ALPG: variants seen among roughly 807,000 people sequenced by gnomAD.
The protein encoded by ALPG is alkaline phosphatase, germ cell type.
A neutral mutation model predicts 48.6 loss-of-function variants in ALPG; 32 were observed. The observed-to-expected ratio is 0.66, with a 90% CI of 0.50 to 0.88. ALPG has a LOEUF of 0.88. Ranked by LOEUF, ALPG falls within the 40% of genes least tolerant of loss-of-function variation. The pLI, the probability that ALPG is intolerant of heterozygous loss-of-function variation, is 0.00. For synonymous variants in ALPG, 244 were observed against 308.9 expected, an observed-to-expected ratio of 0.79 and a Z score of 2.20; for missense variants, 533 against 718.1, an observed-to-expected ratio of 0.74 and a Z score of 2.95.
chr2:232,407,111 C>G lies in ALPG; in HGVS notation c.122C>G (p.Ala41Gly). ...CGCCAGGCAGCCGAGGCCCTGGGTG[C>G]CGCCAAGAAGCTGCAGCCTGCACAG... ...WNRQAAEALG[A>G]AKKLQPAQTA... The change falls in exon 2 of 11, where the codon GCC becomes GGC. Residue 41 changes from alanine (A) to glycine (G), a missense_variant. This residue lies in a region of ALPG where 315 missense variants were observed against 305.8 expected (regional missense o/e 1.03). Coordinates refer to ENST00000295453, the MANE Select transcript of ALPG (RefSeq NM_031313.3). 1 of 1,613,964 alleles carries G rather than the reference C, an allele frequency of 6.2e-7. No homozygotes were observed. Among genetic ancestry groups the G allele is most frequent in the South Asian group, 1.1e-5 (1 of 90,978 alleles).
In ALPG at chr2:232,407,859, G is replaced by A. The variant is rs1207222845; in HGVS notation, c.490G>A (p.Val164Met). 2 of 1,613,572 alleles carry A rather than the reference G, an allele frequency of 1.2e-6. No homozygotes were observed. Among genetic ancestry groups the A allele is most frequent in the East Asian group, 2.2e-5 (1 of 44,886 alleles). ...RAKKAGKSVG[V>M]VTTTRVQHAS... Reference sequence around the variant, plus strand: ...ATCACCCTCAGGAAAGTCAGTGGGAGTGGTAACCACCACACGGGTGCAGCA... The same window carrying A: ...ATCACCCTCAGGAAAGTCAGTGGGAATGGTAACCACCACACGGGTGCAGCA... The change falls in exon 5 of 11, where the codon GTG (valine) becomes ATG (methionine). Residue 164 changes from valine (V) to methionine (M), a missense_variant. Transcript: ENST00000295453.
Position 232,410,421 on chromosome 2 carries a change from C to G in ALPG, c.*549C>G, listed in dbSNP as rs1002575086. The G allele has an allele frequency of 2.2e-4, 37 of 165,226 alleles. No individual in the cohort carries two copies. The highest frequency in any genetic ancestry group is 3.0e-3 in the Middle Eastern group (1 of 328). 10.2% of individuals were successfully genotyped at this position (165,226 alleles called of 1,614,324 possible). On this transcript the variant is annotated 3_prime_UTR_variant, in exon 11 of 11. Transcript: ENST00000295453. ...CTGCTGTCCCTCCACTGGGCTAATT[C>G]TACACCCCTGTGCCCCTCCTAGGGG...
Position 232,407,845 on chromosome 2 carries a change from G to T in ALPG, c.476G>T (p.Gly159Val). The T allele has an allele frequency of 3.7e-6, 6 of 1,613,584 alleles. No homozygotes were observed. Among genetic ancestry groups the T allele is most frequent in the Non-Finnish European group, 4.2e-6 (5 of 1,180,026 alleles). ...ATATCCTGACCTCTATCACCCTCAGGAAAGTCAGTGGGAGTGGTAACCACC... is the reference window on the plus strand; with the variant it reads ...ATATCCTGACCTCTATCACCCTCAGTAAAGTCAGTGGGAGTGGTAACCACC... The part of the protein sequence containing the change: ...ISVMNRAKKA[G>V]KSVGVVTTTR... Residue 159 changes from glycine to valine, a missense_variant and splice_region_variant, in exon 5 of 11, where the codon GGA becomes GTA. Transcript: ENST00000295453.
At position 232,409,957 on chromosome 2, in the gene ALPG, G is replaced by A; in HGVS notation, c.*85G>A. On this transcript the variant is annotated 3_prime_UTR_variant, in exon 11 of 11. Coordinates refer to ENST00000295453, the MANE Select transcript of ALPG (RefSeq NM_031313.3). Reference sequence around the variant, plus strand: ...AGTCGTCCTGCCGGACCTCCACCTGGAGCTGTCACCCCCGGAGTCGCCACA... The same window carrying A: ...AGTCGTCCTGCCGGACCTCCACCTGAAGCTGTCACCCCCGGAGTCGCCACA... 6.8e-7 allele frequency: 1 copy of A among 1,461,210 alleles called. No homozygotes were observed. The highest frequency in any genetic ancestry group is 9.0e-7 in the Non-Finnish European group (1 of 1,112,564). The allele number at this position is 1,461,210 out of a possible 1,614,324, so 90.5% of individuals were successfully genotyped here.
chr2:232,408,997 C>T lies in ALPG; in HGVS notation c.1068C>T (p.Ala356=). ...ALTETIMFDD[A]IERAGQLTSE... ...CTGAGACGATCATGTTCGACGACGC[C>T]ATTGAGAGGGCGGGCCAGCTCACCA... The change falls in exon 9 of 11, where the codon GCC becomes GCT. Residue 356 remains alanine (A), a synonymous_variant. Coordinates refer to ENST00000295453, the MANE Select transcript of ALPG (RefSeq NM_031313.3). 4 of 983,076 alleles carry T rather than the reference C, an allele frequency of 4.1e-6. No homozygotes were observed. Among genetic ancestry groups the T allele is most frequent in the Non-Finnish European group, 4.4e-6 (3 of 675,018 alleles). The allele number at this position is 983,076 out of a possible 1,614,324, so 60.9% of individuals were successfully genotyped here.
chr2:232,407,957 G>A lies in ALPG; in HGVS notation c.588G>A (p.Ser196=), dbSNP rs41265119. 1.1e-4 allele frequency: 171 copies of A among 1,613,090 alleles called. No individual in the cohort carries two copies. Among genetic ancestry groups the A allele is most frequent in the Middle Eastern group, 5.0e-4 (3 of 6,038 alleles). Reference sequence around the variant, plus strand: ...ACTCGGATGCCGACGTGCCTGCCTCGGCCCGCCAGGAGGGGTGCCAGGACA... The same window carrying A: ...ACTCGGATGCCGACGTGCCTGCCTCAGCCCGCCAGGAGGGGTGCCAGGACA... The part of the protein sequence containing the change: ...NWYSDADVPA[S]ARQEGCQDIA... The change falls in exon 5 of 11, where the codon TCG becomes TCA. Residue 196 remains serine (S), a synonymous_variant. Coordinates refer to ENST00000295453, the MANE Select transcript of ALPG (RefSeq NM_031313.3).
Position 232,407,862 on chromosome 2 carries a change from G to A in ALPG, c.493G>A (p.Val165Ile), listed in dbSNP as rs1252360261. Residue 165 changes from valine to isoleucine, a missense_variant, in exon 5 of 11, where the codon GTA becomes ATA. Around this residue, in one of 6 missense-constraint regions of ALPG, gnomAD observed 315 missense variants for 305.8 expected, o/e 1.03. Transcript: ENST00000295453. ...AKKAGKSVGV[V>I]TTTRVQHASP... Reference sequence around the variant, plus strand: ...ACCCTCAGGAAAGTCAGTGGGAGTGGTAACCACCACACGGGTGCAGCATGC... The same window carrying A: ...ACCCTCAGGAAAGTCAGTGGGAGTGATAACCACCACACGGGTGCAGCATGC... The A allele has an allele frequency of 1.1e-5, 18 of 1,613,378 alleles. No homozygotes were observed. In the African/African-American group the frequency reaches 1.3e-4, roughly 12 times the overall value.
chr2:232,407,811 C>T, intron 4 of ALPG, 34 bp from the exon 5 acceptor site: 1 of 1,613,688 alleles, frequency 6.2e-7, no homozygotes, highest in Non-Finnish European at 8.5e-7. Context: ...GGTGACAGAC[C>T]TCTATCGCAT....
At chr2:232,407,262 C>A in intron 2 of ALPG, 24 bp from the exon 3 acceptor site, 2 of 1,613,946 alleles carry the variant, frequency 1.2e-6, no homozygotes, top group Non-Finnish European at 1.7e-6. Context: ...GGGGAGCAAG[C>A]CTCACACACT....
Position 232,407,049 on chromosome 2 carries a change from C to G in ALPG, c.68-8C>G. 1 of 1,613,866 alleles carries G rather than the reference C, an allele frequency of 6.2e-7. No homozygotes were observed. Among genetic ancestry groups the G allele is most frequent in the Non-Finnish European group, 8.5e-7 (1 of 1,179,978 alleles). On this transcript the variant is annotated splice_polypyrimidine_tract_variant and splice_region_variant and intron_variant, in intron 1 of 10. Coordinates refer to ENST00000295453, the MANE Select transcript of ALPG (RefSeq NM_031313.3). ...GGCTGACCTGATCTTTGCTCTCCCC[C>G]TGGCCAGTTGAGGAGGAGAACCCGG...
chr2:232,407,664 G>C lies in ALPG; in HGVS notation c.371G>C (p.Gly124Ala), dbSNP rs1327070318. ...ACGGCCTACCTGTGCGGGGTCAAGG[G>C]CAACTTCCAGACCATTGGCTTGAGT... ...TATAYLCGVKGNFQTIGLSAA... is the reference protein window; with the variant it reads ...TATAYLCGVKANFQTIGLSAA... The change falls in exon 4 of 11, where the codon GGC becomes GCC. Residue 124 changes from glycine to alanine, a missense_variant. Gly to Ala is a moderately conservative substitution (Grantham distance 60). Coordinates refer to ENST00000295453, the MANE Select transcript of ALPG (RefSeq NM_031313.3). 3 of 1,613,906 alleles carry C rather than the reference G, an allele frequency of 1.9e-6. No individual in the cohort carries two copies. Among genetic ancestry groups the C allele is most frequent in the East Asian group, 2.2e-5 (1 of 44,890 alleles).
chr2:232,407,915 G>A lies in ALPG; in HGVS notation c.546G>A (p.Thr182=), dbSNP rs1413173548. 17 of 1,613,474 alleles carry A rather than the reference G, an allele frequency of 1.1e-5. No homozygotes were observed. The highest frequency in any genetic ancestry group is 6.7e-5 in the East Asian group (3 of 44,878). ...HASPAGAYAH[T]VNRNWYSDAD... is the part of the protein sequence containing the mutation. ...CGCCAGCCGGCGCCTACGCCCACACGGTGAACCGCAACTGGTACTCGGATG... is the reference window on the plus strand; with the variant it reads ...CGCCAGCCGGCGCCTACGCCCACACAGTGAACCGCAACTGGTACTCGGATG... The change falls in exon 5 of 11, where the codon ACG becomes ACA. Residue 182 remains threonine (T), a synonymous_variant. Coordinates refer to ENST00000295453, the MANE Select transcript of ALPG (RefSeq NM_031313.3).
Position 232,408,497 on chromosome 2 carries a change from G to T in ALPG, c.784-4G>T, listed in dbSNP as rs2945421. The T allele has an allele frequency of 2.0e-6, 3 of 1,502,038 alleles. No individual in the cohort carries two copies. The highest frequency in any genetic ancestry group is 4.6e-5 in the East Asian group (2 of 43,116). 93.0% of individuals were successfully genotyped at this position (1,502,038 alleles called of 1,614,324 possible). A position where few individuals can be genotyped will look rare whatever the true frequency, so the allele number is the denominator to read the frequency against. On this transcript the variant is annotated splice_region_variant and splice_polypyrimidine_tract_variant and intron_variant, in intron 6 of 10. Transcript: ENST00000295453. The stretch of plus-strand genomic sequence containing the variant: ...CTGAGGCCTGGCTCTCTCCCTCCCC[G>T]CAGGGTGCCCGGTACGTGTGGAACC...
rs754390834 is a variant in ALPG, at chr2:232,407,991, C to A, written c.622C>A (p.Gln208Lys). 37 of 1,612,372 alleles carry A rather than the reference C, an allele frequency of 2.3e-5. No homozygotes were observed. Among genetic ancestry groups the A allele is most frequent in the Non-Finnish European group, 3.0e-5 (35 of 1,179,612 alleles). The change falls in exon 5 of 11, where the codon CAG becomes AAG. Residue 208 changes from glutamine to lysine, a missense_variant. By Grantham distance (53) the Gln-to-Lys change is moderately conservative. Transcript: ENST00000295453. ...RQEGCQDIATQLISNMDIDVI... is the reference protein window; with the variant it reads ...RQEGCQDIATKLISNMDIDVI... ...GGAGGGGTGCCAGGACATCGCCACG[C>A]AGCTCATCTCCAACATGGACATTGA...
chr2:232,408,521 C>A lies in ALPG; in HGVS notation c.804C>A (p.Asn268Lys), dbSNP rs377060021. 3.4e-5 allele frequency: 53 copies of A among 1,574,228 alleles called. 2 individuals are homozygous for A. In the Admixed American group the frequency reaches 4.3e-4, roughly 13 times the overall value. Residue 268 changes from asparagine (N) to lysine (K), a missense_variant, in exon 7 of 11, where the codon AAC becomes AAA. Asn to Lys is a moderately conservative substitution (Grantham distance 94). This residue lies in a region of ALPG where 40 missense variants were observed against 74.5 expected (regional missense o/e 0.54). Transcript: ENST00000295453. ...AKHQGARYVW[N>K]RTELLQASLD... ...CGCAGGGTGCCCGGTACGTGTGGAA[C>A]CGCACTGAGCTCCTGCAGGCTTCCC...
chr2:232,409,908 G>C lies in ALPG; in HGVS notation c.*36G>C. 6.6e-7 allele frequency: 1 copy of C among 1,510,918 alleles called. No individual in the cohort carries two copies. Among genetic ancestry groups the C allele is most frequent in the Non-Finnish European group, 8.8e-7 (1 of 1,135,838 alleles). 93.6% of individuals were successfully genotyped at this position (1,510,918 alleles called of 1,614,324 possible). A position where few individuals can be genotyped will look rare whatever the true frequency, so the allele number is the denominator to read the frequency against. On this transcript the variant is annotated 3_prime_UTR_variant, in exon 11 of 11. Transcript: ENST00000295453. ...CCTGGGGCTCCTGCTTCCCCATCCC[G>C]GAGTTCCCCTGCTCCCCACCTCCAG...
rs150811092 is a variant in ALPG at position 232,408,508 on chromosome 2, G to A, written c.791G>A (p.Arg264Gln). 109 of 1,594,692 alleles carry A rather than the reference G, an allele frequency of 6.8e-5. 1 individual carries two copies. The highest frequency in any genetic ancestry group is 8.6e-5 in the Non-Finnish European group (101 of 1,168,614). The stretch of plus-strand genomic sequence containing the variant: ...CTCTCTCCCTCCCCGCAGGGTGCCC[G>A]GTACGTGTGGAACCGCACTGAGCTC... The part of the protein sequence containing the change: ...QEWLAKHQGA[R>Q]YVWNRTELLQ... Residue 264 changes from arginine (R) to glutamine (Q), a missense_variant, in exon 7 of 11, where the codon CGG becomes CAG. Arg to Gln is a conservative substitution (Grantham distance 43, BLOSUM62 1). Transcript: ENST00000295453.
At position 232,407,680 on chromosome 2, in the gene ALPG, T is replaced by C. The variant is rs773754542; in HGVS notation, c.387T>C (p.Ile129=). The change falls in exon 4 of 11, where the codon ATT becomes ATC. Residue 129 remains isoleucine, a synonymous_variant. Coordinates refer to ENST00000295453, the MANE Select transcript of ALPG (RefSeq NM_031313.3). ...LCGVKGNFQT[I]GLSAAARFNQ... ...GGGTCAAGGGCAACTTCCAGACCAT[T>C]GGCTTGAGTGCAGCCGCCCGCTTTA... 2 of 1,613,844 alleles carry C rather than the reference T, an allele frequency of 1.2e-6. No homozygotes were observed. The highest frequency in any genetic ancestry group is 4.5e-5 in the East Asian group (2 of 44,886).
In ALPG at chr2:232,407,173, G is replaced by C. The variant is rs372434742; in HGVS notation, c.184G>C (p.Gly62Arg). 1.9e-6 allele frequency: 3 copies of C among 1,613,768 alleles called. No homozygotes were observed. The highest frequency in any genetic ancestry group is 2.5e-6 in the Non-Finnish European group (3 of 1,180,018). The change falls in exon 2 of 11, where the codon GGG (glycine) becomes CGG (arginine). Residue 62 changes from glycine to arginine, a missense_variant and splice_region_variant. Coordinates refer to ENST00000295453, the MANE Select transcript of ALPG (RefSeq NM_031313.3). ...AKNLIIFLGD[G>R]MGVSTVTAAR... ...GAACCTCATCATCTTCCTGGGTGAC[G>C]GTGAGTGAGCCAGGCCTTCCAGCCC...
Sources: allele counts gnomAD v4.1 joint callset, GRCh38; gene constraint gnomAD v4.1.1; regional missense constraint gnomAD v4.1.1; transcripts MANE v1.5; gene names NCBI Gene and HGNC (gene_info 2026-07-23, HGNC 2026-07-21).